Variants in LNPEP observed in about 807,000 individuals in gnomAD.
The protein encoded by LNPEP is leucyl-cystinyl aminopeptidase.
A neutral mutation model predicts 120.6 loss-of-function variants in LNPEP; 64 were observed. That is an observed-to-expected ratio of 0.53 (90% CI 0.43 to 0.65). The LOEUF is 0.65. LNPEP is among the 30% of genes least tolerant of loss of function. LNPEP has a pLI of 0.00. For synonymous variants in LNPEP, 435 were observed against 425.4 expected (o/e 1.02, Z -0.28); for missense variants, 1,057 against 1,200.0 (o/e 0.88, Z 1.76).
chr5:97,022,562 A>G, intron 14 of LNPEP, 78 bp downstream of exon 14: 2 of 1,143,048 alleles, frequency 1.7e-6, no homozygotes, highest in South Asian at 2.7e-5. Context: ...GGGTATTCTC[A>G]TCCTGGATCA....
intron 9 of LNPEP, among the ~76,000 whole-genome samples, chr5:97,003,781 G>T (rs1294768217): frequency 2.0e-5 from 3 of 146,734 alleles, no homozygotes; most frequent in African/African-American, 7.5e-5. Flanking sequence ...TGGGTAGCCA[G>T]TTGTTTTTTT....
chr5:96,989,227 A>G (rs1790313939), intron 4 of LNPEP, among the ~76,000 whole-genome samples: 1 of 145,452 alleles, frequency 6.9e-6, no homozygotes, highest in Admixed American at 7.0e-5. Context: ...GTATATATAT[A>G]TATGTGTGTG....
At chr5:96,985,301 C>T (rs1790215367) in intron 3 of LNPEP, 83 bp downstream of exon 3, 1 of 1,141,954 alleles carries the variant, frequency 8.8e-7, no homozygotes, top group Non-Finnish European at 1.2e-6. Context: ...TGCCAGACTA[C>T]AGTTGAGAAT....
chr5:97,021,923 G>GTTTTTTTTTTTTTT (rs1165456605), intron 13 of LNPEP, among the ~76,000 whole-genome samples: 22 of 57,192 alleles, frequency 3.8e-4, no homozygotes, highest in East Asian at 1.4e-3. Flanking sequence ...TTTGTCTTTT[G>GTTTTTTTTTTTTTT]TTTTTTTTTT....
At chr5:96,941,510 A>C (rs1789056267) in intron 1 of LNPEP, among the ~76,000 whole-genome samples, 1 of 152,130 alleles carries the variant, frequency 6.6e-6, no homozygotes, top group Non-Finnish European at 1.5e-5. Context: ...TCCGTAGATA[A>C]ATTTCAGCAA....
intron 8 of LNPEP, among the ~76,000 whole-genome samples, chr5:97,002,863 A>C (rs932307855): frequency 6.6e-6 from 1 of 152,188 alleles, no homozygotes; most frequent in Non-Finnish European, 1.5e-5. Context: ...CCTGCCCTAT[A>C]CATTTGTTAG....
At chr5:97,002,074 G>C (rs1163219994) in intron 8 of LNPEP, among the ~76,000 whole-genome samples, 1 of 152,176 alleles carries the variant, frequency 6.6e-6, no homozygotes, top group African/African-American at 2.4e-5. Context: ...AGGAGGCGGA[G>C]GTTGTAGTGA....
intron 4 of LNPEP, among the ~76,000 whole-genome samples, chr5:96,989,301 ATATATTG>A: frequency 3.0e-5 from 2 of 66,936 alleles, no homozygotes; most frequent in African/African-American, 1.1e-4. Context: ...TTTATATATA[ATATATTG>A]TATATTATAT....
intron 1 of LNPEP, among the ~76,000 whole-genome samples, chr5:96,955,625 G>A (rs1789449989): frequency 6.6e-6 from 1 of 151,906 alleles, no homozygotes; most frequent in Middle Eastern, 3.2e-3. Flanking sequence ...TCTCAAAAAA[G>A]AAAAAGAAAA....
chr5:96,978,654 T>A (rs560903485), intron 1 of LNPEP, among the ~76,000 whole-genome samples: 29 of 152,218 alleles, frequency 1.9e-4, no homozygotes, highest in Admixed American at 5.2e-4. Flanking sequence ...GGAAGCAGAT[T>A]TGAGGCCTGT....
At chr5:96,961,207 G>A (rs1316095840) in intron 1 of LNPEP, among the ~76,000 whole-genome samples, 1 of 152,066 alleles carries the variant, frequency 6.6e-6, no homozygotes, top group African/African-American at 2.4e-5. Flanking sequence ...TGTCTACCAT[G>A]CAAAAACAAA....
In LNPEP at chr5:97,008,426, C is replaced by G. The variant is rs542498856; in HGVS notation, c.2035+1911C>G. On this transcript the variant is annotated intron_variant, in intron 11 of 17. Transcript: ENST00000231368. ...AGTGCAGTGACAATATCATAGCCCA[C>G]TGCAGCCTCAAACCCCTGGGTTCAA... 1.0e-3 allele frequency among the ~76,000 whole-genome samples: 143 copies of G among 138,788 alleles called. No homozygotes were observed. In the Middle Eastern group the frequency reaches 0.012, roughly 11 times the overall value. The allele number at this position is 138,788 out of a possible 152,430, so 91.1% of individuals were successfully genotyped here.
At chr5:97,024,414 G>T in intron 14 of LNPEP, 107 bp from the exon 15 acceptor site, 1 of 1,015,988 alleles carries the variant, frequency 9.8e-7, no homozygotes, top group African/African-American at 1.6e-5. Context: ...ACTCAAACTT[G>T]TTATTATTAC....
At chr5:96,975,198 A>C (rs1428722315) in intron 1 of LNPEP, among the ~76,000 whole-genome samples, 1 of 152,112 alleles carries the variant, frequency 6.6e-6, no homozygotes, top group Non-Finnish European at 1.5e-5. Flanking sequence ...CAGGCCTTTA[A>C]CTCTATTAAT....
intron 6 of LNPEP, among the ~76,000 whole-genome samples, chr5:96,995,488 T>C (rs564917308): frequency 1.1e-3 from 174 of 152,256 alleles, no homozygotes; most frequent in African/African-American, 3.9e-3. Context: ...AGAAAATATT[T>C]AAAGCTCTTT....
chr5:96,959,808 A>G (rs1196762547), intron 1 of LNPEP, among the ~76,000 whole-genome samples: 4 of 152,146 alleles, frequency 2.6e-5, no homozygotes, highest in Admixed American at 2.6e-4. Context: ...TTGATTATGA[A>G]AATTTCTTGT....
At chr5:97,006,711 G>A (rs1191237962) in intron 11 of LNPEP, among the ~76,000 whole-genome samples, 196 bp downstream of exon 11, 2 of 152,140 alleles carry the variant, frequency 1.3e-5, no homozygotes, top group African/African-American at 4.8e-5. Flanking sequence ...GTGAAATAAG[G>A]TACAAAAATT....
In LNPEP at chr5:97,034,999, G is replaced by A. The variant is rs1791545859; in HGVS notation, c.*6466G>A. 6.6e-6 allele frequency: 1 copy of A among 151,970 alleles called. No individual in the cohort carries two copies. The highest frequency in any genetic ancestry group is 1.5e-5 in the Non-Finnish European group (1 of 67,974). 9.4% of individuals were successfully genotyped at this position (151,970 alleles called of 1,614,324 possible). On this transcript the variant is annotated 3_prime_UTR_variant, in exon 18 of 18. Transcript: ENST00000231368. ...CACATTTTAATGTATATAAATATTT[G>A]CTACATTCTGTGTGTTATATAATGT...
intron 13 of LNPEP, among the ~76,000 whole-genome samples, chr5:97,017,676 AG>A (rs1199622139): frequency 6.6e-6 from 1 of 152,122 alleles, no homozygotes; most frequent in East Asian, 1.9e-4. Flanking sequence ...TTTATTGCAT[AG>A]AATTATGTTT....
Sources: gnomAD v4.1 joint callset for allele counts (sites outside exome capture counted in the v4.1 genomes callset) on GRCh38, gnomAD v4.1.1 for gene constraint, MANE v1.5 for transcripts, NCBI Gene and HGNC (gene_info 2026-07-23, HGNC 2026-07-21) for gene names.